Variants in P4HA3 observed in about 807,000 individuals in gnomAD.
P4HA3 encodes prolyl 4-hydroxylase subunit alpha-3.
P4HA3 carries 60 observed loss-of-function variants against 66.7 expected under a neutral mutation model. The ratio of observed to expected loss-of-function variants is 0.90; its 90% CI spans 0.73 to 1.12. The LOEUF is 1.12. Among genes scored for constraint, P4HA3 ranks in the 50% most tolerant of loss-of-function variants. The probability of loss-of-function intolerance (pLI) is 0.00; values close to 1 mark genes in which losing one functional copy is unlikely to be tolerated. For missense variants in P4HA3, 683 were observed against 685.8 expected, an observed-to-expected ratio of 1.00 and a Z score of 0.05; for synonymous variants, 263 against 274.6, an observed-to-expected ratio of 0.96 and a Z score of 0.42.
Position 74,298,343 on chromosome 11 carries a change from C to A in P4HA3, c.586G>T (p.Asp196Tyr). The part of the protein sequence containing the change: ...QVGKVAYDMG[D>Y]YYHAIPWLEE... ...AGCCATGGAATGGCATGGTAATAAT[C>A]CCCCATGTCATAGGCCACCTACACA... The change falls in exon 4 of 13, where the codon GAT becomes TAT. Residue 196 changes from aspartate (D) to tyrosine (Y), a missense_variant. Asp to Tyr is a radical substitution (Grantham distance 160). Coordinates refer to ENST00000331597, the MANE Select transcript of P4HA3 (RefSeq NM_182904.5). The A allele has an allele frequency of 1.9e-6, 3 of 1,613,748 alleles. No individual in the cohort carries two copies. The highest frequency in any genetic ancestry group is 2.5e-6 in the Non-Finnish European group (3 of 1,179,910).
At position 74,278,669 on chromosome 11, in the gene P4HA3, A is replaced by T. The variant is rs186921804; in HGVS notation, c.1175+719T>A. 2.1e-4 allele frequency among the ~76,000 whole-genome samples: 32 copies of T among 152,334 alleles called. 1 individual carries two copies. The highest frequency in any genetic ancestry group is 7.5e-4 in the African/African-American group (31 of 41,582). ...AAGGTTAGAAAAAGCAATGAGGCTG[A>T]GGTCATAGGGACCTTCCATAGGTTA... On this transcript the variant is annotated intron_variant, in intron 8 of 12. Transcript: ENST00000331597.
chr11:74,310,114 C>T (rs1359332295), intron 1 of P4HA3, among the ~76,000 whole-genome samples: 5 of 152,188 alleles, frequency 3.3e-5, no homozygotes, highest in African/African-American at 4.8e-5. Flanking sequence ...GATATAAGTA[C>T]AATATTAATA....
chr11:74,268,846 C>T (rs1339406616), intron 11 of P4HA3, among the ~76,000 whole-genome samples: 1 of 152,210 alleles, frequency 6.6e-6, no homozygotes, highest in African/African-American at 2.4e-5. Flanking sequence ...CCATACACGG[C>T]TTCTTTGCCG....
rs1263107852 is a variant in P4HA3 at position 74,311,633 on chromosome 11, C to T, written c.-22G>A. The T allele has an allele frequency of 3.4e-6, 5 of 1,471,786 alleles. No individual in the cohort carries two copies. Among genetic ancestry groups the T allele is most frequent in the East Asian group, 2.8e-5 (1 of 35,112 alleles). The allele number at this position is 1,471,786 out of a possible 1,614,324, so 91.2% of individuals were successfully genotyped here. ...CCATAGCCAGCGCTCGCGAACTTCC[C>T]CTCAGACAGTCCTGGCCGCGCGGCG... On this transcript the variant is annotated 5_prime_UTR_variant, in exon 1 of 13. Transcript: ENST00000331597.
rs750298281 is a variant in P4HA3 at position 74,298,265 on chromosome 11, C to T, written c.664G>A (p.Asp222Asn). The change falls in exon 4 of 13, where the codon GAT becomes AAT. Residue 222 changes from aspartate (D) to asparagine (N), a missense_variant. Physicochemically the swap from Asp to Asn is conservative, Grantham distance 23. Transcript: ENST00000331597. Reference sequence around the variant, plus strand: ...AAGGCATCTTCTAGACTTGCCTCATCCTCTGTCTTCCACTCTCCGTAAGAT... The same window carrying T: ...AAGGCATCTTCTAGACTTGCCTCATTCTCTGTCTTCCACTCTCCGTAAGAT... ...RGSYGEWKTEDEASLEDALDH... is the reference protein window; with the variant it reads ...RGSYGEWKTENEASLEDALDH... The T allele has an allele frequency of 5.0e-6, 8 of 1,614,134 alleles. No homozygotes were observed. Among genetic ancestry groups the T allele is most frequent in the Non-Finnish European group, 6.8e-6 (8 of 1,180,000 alleles).
chr11:74,277,555 G>A (rs1339898281), intron 8 of P4HA3, among the ~76,000 whole-genome samples: 1 of 152,236 alleles, frequency 6.6e-6, no homozygotes, highest in East Asian at 1.9e-4. Context: ...CTAAGGGTCA[G>A]TGTGTTGTCT....
rs77069685 is a variant in P4HA3 at position 74,301,356 on chromosome 11, C to T, written c.567+1013G>A. Among the ~76,000 whole-genome samples, 11 of 152,286 alleles carry T rather than the reference C, an allele frequency of 7.2e-5. No homozygotes were observed. The East Asian group carries it at 1.9e-3, about 27-fold the overall frequency. ...AATTTTCAACATACGGTTTTACTTT[C>T]AGAAAGGCCTCACTAATATGTTAGT... On this transcript the variant is annotated intron_variant, in intron 3 of 12. Coordinates refer to ENST00000331597, the MANE Select transcript of P4HA3 (RefSeq NM_182904.5).
At chr11:74,299,151 A>G (rs1412650047) in intron 3 of P4HA3, among the ~76,000 whole-genome samples, 17 of 152,234 alleles carry the variant, frequency 1.1e-4, no homozygotes, top group Admixed American at 1.0e-3. Context: ...TGGAAGCTCA[A>G]TGGATCTGTT....
rs745522717 is a variant in P4HA3 at position 74,266,768 on chromosome 11, A to G, written c.*480T>C. 16 of 414,320 alleles carry G rather than the reference A, an allele frequency of 3.9e-5. No individual in the cohort carries two copies. The highest frequency in any genetic ancestry group is 6.9e-5 in the Non-Finnish European group (16 of 233,116). 25.7% of individuals were successfully genotyped at this position (414,320 alleles called of 1,614,324 possible). The stretch of plus-strand genomic sequence containing the variant: ...ATATAATGTACCACTCATCTGGGAT[A>G]TGCTTCTGGGAGGGGGACACTCCCT... On this transcript the variant is annotated 3_prime_UTR_variant, in exon 13 of 13. Transcript: ENST00000331597.
intron 4 of P4HA3, among the ~76,000 whole-genome samples, chr11:74,292,977 C>A (rs1267077965): frequency 6.6e-6 from 1 of 152,176 alleles, no homozygotes; most frequent in Non-Finnish European, 1.5e-5. Context: ...TGGTGCACAG[C>A]TGAGTTCAAT....
intron 9 of P4HA3, 58 bp downstream of exon 9, chr11:74,276,927 A>G: frequency 1.3e-6 from 2 of 1,521,060 alleles, no homozygotes; most frequent in South Asian, 2.5e-5. Context: ...TGCCTCAGAG[A>G]AATAAATAAT....
chr11:74,269,813 G>T, intron 10 of P4HA3, 93 bp from the exon 11 acceptor site: 1 of 1,245,144 alleles, frequency 8.0e-7, no homozygotes, highest in Non-Finnish European at 1.1e-6. Flanking sequence ...TCCTTCTCAT[G>T]GTCTTTTCTT....
chr11:74,268,205 C>T lies in P4HA3; in HGVS notation c.1504G>A (p.Gly502Ser), dbSNP rs956700268. Residue 502 changes from glycine (G) to serine (S), a missense_variant, in exon 12 of 13, where the codon GGT becomes AGT. Gly to Ser is a moderately conservative substitution (Grantham distance 56). Transcript: ENST00000331597. ...TGAAGTGTGTCACTGTCCCCTTCAC[C>T]ACTCCTGTGCAGGTTCCACCAAAAC... ...ALFWWNLHRS[G>S]EGDSDTLHAG... is the part of the protein sequence containing the mutation. 1 of 1,613,936 alleles carries T rather than the reference C, an allele frequency of 6.2e-7. No individual in the cohort carries two copies. Among genetic ancestry groups the T allele is most frequent in the Non-Finnish European group, 8.5e-7 (1 of 1,179,984 alleles).
intron 10 of P4HA3, among the ~76,000 whole-genome samples, chr11:74,272,396 A>C (rs1047807182): frequency 2.0e-5 from 3 of 152,192 alleles, no homozygotes; most frequent in Non-Finnish European, 4.4e-5. Flanking sequence ...TTTTGGCAGC[A>C]GTTCATTCTT....
In P4HA3 at chr11:74,267,013, C is replaced by G. The variant is rs191586897; in HGVS notation, c.*235G>C. On this transcript the variant is annotated 3_prime_UTR_variant, in exon 13 of 13. Coordinates refer to ENST00000331597, the MANE Select transcript of P4HA3 (RefSeq NM_182904.5). The stretch of plus-strand genomic sequence containing the variant: ...CTTCCCTCTCAGGCCTCCACTCCCC[C>G]CTCCTTTGTACTGTGCATCCTACTC... The G allele has an allele frequency of 6.3e-5, 95 of 1,512,110 alleles. No individual in the cohort carries two copies. The highest frequency in any genetic ancestry group is 2.9e-4 in the African/African-American group (21 of 72,600). The allele number at this position is 1,512,110 out of a possible 1,614,324, so 93.7% of individuals were successfully genotyped here. A position where few individuals can be genotyped will look rare whatever the true frequency, so the allele number is the denominator to read the frequency against.
rs1389591635 is a variant in P4HA3, at chr11:74,255,797, TAAC to T, written c.*1318+4123_*1318+4125del. ...ATTGAATCAGAACTGATCTGCATTT[TAAC>T]AAGTGCATCAATGTCTGAAAATTTC... is the stretch of plus-strand genomic sequence containing the variant. On this transcript the variant is annotated intron_variant and NMD_transcript_variant, in intron 15 of 15. Coordinates refer to the P4HA3 transcript ENST00000524388. The T allele has an allele frequency of 1.4e-5, 5 of 363,418 alleles. No homozygotes were observed. In the East Asian group the frequency reaches 2.1e-4, roughly 15 times the overall value. The allele number at this position is 363,418 out of a possible 1,614,324, so 22.5% of individuals were successfully genotyped here. A position where few individuals can be genotyped will look rare whatever the true frequency, so the allele number is the denominator to read the frequency against.
chr11:74,286,258 G>A lies in P4HA3; in HGVS notation c.903C>T (p.Tyr301=), dbSNP rs764553835. The change falls in exon 6 of 13, where the codon TAC becomes TAT. Residue 301 remains tyrosine, a synonymous_variant. Coordinates refer to ENST00000331597, the MANE Select transcript of P4HA3 (RefSeq NM_182904.5). ...NIPHLQTRDT[Y]EGLCQTLGSQ... is the part of the protein sequence containing the mutation. The stretch of plus-strand genomic sequence containing the variant: ...AACCCAGGGTCTGACATAGCCCCTC[G>A]TAGGTGTCTCTGGTCTGCAGGTGGG... 12 of 1,612,910 alleles carry A rather than the reference G, an allele frequency of 7.4e-6. No individual in the cohort carries two copies. In the Admixed American group the frequency reaches 8.3e-5, roughly 11 times the overall value.
At chr11:74,286,522 T>TGAGGA in intron 5 of P4HA3, 131 bp from the exon 6 acceptor site, 3 of 768,876 alleles carry the variant, frequency 3.9e-6, no homozygotes, top group Non-Finnish European at 5.7e-6. Context: ...TAACTCCTCA[T>TGAGGA]GTCAACACAC....
intron 4 of P4HA3, among the ~76,000 whole-genome samples, chr11:74,291,608 G>A (rs553515055): frequency 1.3e-5 from 2 of 152,262 alleles, no homozygotes; most frequent in African/African-American, 4.8e-5. Flanking sequence ...TTATTATTTT[G>A]AGATACGTCC....
Sources: gnomAD v4.1 joint callset for allele counts (sites outside exome capture counted in the v4.1 genomes callset) on GRCh38, gnomAD v4.1.1 for gene constraint, MANE v1.5 for transcripts, NCBI Gene and HGNC (gene_info 2026-07-23, HGNC 2026-07-21) for gene names.